TMEM196: variants seen among roughly 807,000 people sequenced by gnomAD.
TMEM196 encodes the protein transmembrane protein 196.
In TMEM196, 17 loss-of-function variants were observed where a neutral mutation model predicts 20.0. The ratio of observed to expected loss-of-function variants is 0.85; its 90% confidence interval spans 0.58 to 1.27. TMEM196 has a LOEUF of 1.27. Ranked by LOEUF, TMEM196 falls within the 50% of genes most tolerant of loss-of-function variation. The probability of loss-of-function intolerance (pLI) is 0.00; values close to 1 mark genes in which losing one functional copy is unlikely to be tolerated. For missense variants in TMEM196, 267 were observed against 223.0 expected, an observed-to-expected ratio of 1.20 and a Z score of -1.26; for synonymous variants, 113 against 88.9, an observed-to-expected ratio of 1.27 and a Z score of -1.52.
intron 4 of TMEM196, 101 bp downstream of exon 4, chr7:19,724,179 A>G: frequency 2.0e-6 from 2 of 1,010,684 alleles, no homozygotes; most frequent in South Asian, 3.0e-5. Flanking sequence ...ACATTAAACA[A>G]CATCAGTTCA....
rs1046358953 is a variant in TMEM196, at chr7:19,749,163, G to T, written c.148-19725C>A. 2.6e-5 allele frequency among the ~76,000 whole-genome samples: 4 copies of T among 152,172 alleles called. No individual in the cohort carries two copies. The South Asian group carries it at 6.2e-4, about 24-fold the overall frequency. ...AATTTGTCCTGATCACTTTATTTAG[G>T]CCATTGGTCTATGGCTTTTACATTT... On this transcript the variant is annotated intron_variant, in intron 1 of 4. Coordinates refer to ENST00000405844, the MANE Select transcript of TMEM196 (RefSeq NM_001363562.2).
intron 1 of TMEM196, among the ~76,000 whole-genome samples, chr7:19,752,803 C>T (rs207992): frequency 1.4e-4 from 21 of 151,936 alleles, no homozygotes; most frequent in Non-Finnish European, 2.5e-4. Flanking sequence ...TTAGTAGAGA[C>T]AGGGTTTCAC....
At chr7:19,735,979 A>T (rs1252211143) in intron 1 of TMEM196, among the ~76,000 whole-genome samples, 1 of 152,116 alleles carries the variant, frequency 6.6e-6, no homozygotes, top group African/African-American at 2.4e-5. Context: ...AATGCATAGA[A>T]AAATCATCAG....
intron 1 of TMEM196, among the ~76,000 whole-genome samples, chr7:19,770,418 A>T (rs1407379429): frequency 6.6e-6 from 1 of 152,216 alleles, no homozygotes; most frequent in Non-Finnish European, 1.5e-5. Context: ...AGACTGTACC[A>T]TAAATGATTT....
intron 1 of TMEM196, among the ~76,000 whole-genome samples, chr7:19,755,348 C>T (rs150410169): frequency 3.9e-4 from 59 of 152,260 alleles, no homozygotes; most frequent in African/African-American, 3.6e-4. Flanking sequence ...TAACATGAGA[C>T]GTGCACATAC....
intron 1 of TMEM196, among the ~76,000 whole-genome samples, chr7:19,749,745 C>G (rs1040572774): frequency 1.3e-5 from 2 of 152,048 alleles, no homozygotes; most frequent in African/African-American, 2.4e-5. Context: ...CCTTTATTTC[C>G]CTCACTCACA....
chr7:19,745,236 T>G (rs572823363), intron 1 of TMEM196, among the ~76,000 whole-genome samples: 21 of 152,314 alleles, frequency 1.4e-4, no homozygotes, highest in Admixed American at 1.3e-3. Flanking sequence ...TACTCTTATT[T>G]TTATCATTTT....
chr7:19,772,473 G>C, intron 1 of TMEM196, 77 bp downstream of exon 1: 1 of 1,380,230 alleles, frequency 7.2e-7, no homozygotes. Context: ...AGTGACTAAT[G>C]CGCGCACCCT....
intron 1 of TMEM196, among the ~76,000 whole-genome samples, chr7:19,767,717 C>T (rs1314091690): frequency 6.6e-6 from 1 of 151,900 alleles, no homozygotes; most frequent in African/African-American, 2.4e-5. Flanking sequence ...ATAGGAGCAG[C>T]ATTTTCATCT....
chr7:19,738,748 A>G (rs1413997376), intron 1 of TMEM196, among the ~76,000 whole-genome samples: 1 of 152,090 alleles, frequency 6.6e-6, no homozygotes, highest in Non-Finnish European at 1.5e-5. Flanking sequence ...GTGTACAATA[A>G]ATATCCTTGA....
intron 1 of TMEM196, among the ~76,000 whole-genome samples, chr7:19,766,233 A>G (rs1385488569): frequency 1.3e-5 from 2 of 152,164 alleles, no homozygotes; most frequent in Non-Finnish European, 2.9e-5. Flanking sequence ...AATGAAGTAT[A>G]TATAGATTAG....
chr7:19,760,752 G>T (rs578054916), intron 1 of TMEM196, among the ~76,000 whole-genome samples: 3 of 152,120 alleles, frequency 2.0e-5, no homozygotes, highest in Non-Finnish European at 2.9e-5. Context: ...AGCAGCAGAA[G>T]ATCAGGGATT....
At chr7:19,772,477 G>C (rs1785922855) in intron 1 of TMEM196, 73 bp downstream of exon 1, 1 of 1,383,210 alleles carries the variant, frequency 7.2e-7, no homozygotes, top group Non-Finnish European at 9.5e-7. Flanking sequence ...ACTAATGCGC[G>C]CACCCTGACC....
At chr7:19,736,941 T>C (rs1784428570) in intron 1 of TMEM196, among the ~76,000 whole-genome samples, 2 of 152,050 alleles carry the variant, frequency 1.3e-5, no homozygotes, top group Non-Finnish European at 2.9e-5. Context: ...TCAAACTTTC[T>C]GTTTTCTTTT....
chr7:19,749,589 T>C (rs1784884281), intron 1 of TMEM196, among the ~76,000 whole-genome samples: 1 of 152,206 alleles, frequency 6.6e-6, no homozygotes. Context: ...ATGGGATACA[T>C]ATAGATAATA....
intron 1 of TMEM196, among the ~76,000 whole-genome samples, chr7:19,736,323 T>C (rs1315655562): frequency 1.7e-5 from 2 of 116,566 alleles, no homozygotes; most frequent in Non-Finnish European, 3.5e-5. Context: ...CTTCGTTTCA[T>C]TTGAGATCCC....
At chr7:19,762,471 C>T (rs1385210512) in intron 1 of TMEM196, among the ~76,000 whole-genome samples, 1 of 151,778 alleles carries the variant, frequency 6.6e-6, no homozygotes, top group Non-Finnish European at 1.5e-5. Context: ...TATACTTGTG[C>T]GACTGTATTA....
chr7:19,742,753 C>A (rs1415084746), intron 1 of TMEM196, among the ~76,000 whole-genome samples: 1 of 152,118 alleles, frequency 6.6e-6, no homozygotes, highest in Non-Finnish European at 1.5e-5. Flanking sequence ...CAAATAATGA[C>A]TTCCATAGAC....
intron 1 of TMEM196, among the ~76,000 whole-genome samples, chr7:19,759,488 A>G (rs1785346000): frequency 6.6e-6 from 1 of 152,116 alleles, no homozygotes. Context: ...TCCCACACTG[A>G]TATTTCTAGC....
Sources: gnomAD v4.1 joint callset for allele counts (sites outside exome capture counted in the v4.1 genomes callset) on GRCh38, gnomAD v4.1.1 for gene constraint, MANE v1.5 for transcripts, NCBI Gene and HGNC (gene_info 2026-07-23, HGNC 2026-07-21) for gene names.